The following PUDP variants were observed in gnomAD, a reference collection of about 807,000 sequenced individuals.
PUDP encodes the protein pseudouridine 5'-phosphatase, also known as pseudouridine-5'-phosphatase.
PUDP carries 8 observed loss-of-function variants against 9.4 expected under a neutral mutation model. The observed-to-expected ratio is 0.85, with a 90% CI of 0.50 to 1.53. The LOEUF is 1.53. Among genes scored for constraint, PUDP ranks in the 40% most tolerant of loss-of-function variants. The pLI is 0.00. For missense variants in PUDP, 188 were observed against 189.7 expected (o/e 0.99, Z 0.05); for synonymous variants, 99 against 80.7 (o/e 1.23, Z -1.22).
At chrX:6,802,515 G>A (rs979222841) in intron 3 of PUDP, among the ~76,000 whole-genome samples, 4 of 111,638 alleles carry the variant, frequency 3.6e-5, no homozygotes, top group South Asian at 7.6e-4. Context: ...AACATCTATC[G>A]TAGAGTCAAT....
chrX:6,986,955 G>A (rs188245382), intron 1 of PUDP, among the ~76,000 whole-genome samples: 1 of 112,060 alleles, frequency 8.9e-6, no homozygotes, highest in Non-Finnish European at 1.9e-5. Context: ...AATTAAAAAC[G>A]TTTGCATGCA....
At chrX:6,731,750 A>AAGGGAGGGAGGGAGGGAGGGAGGG (rs777733500) in intron 3 of PUDP, among the ~76,000 whole-genome samples, 13 of 78,712 alleles carry the variant, frequency 1.7e-4, no homozygotes, top group African/African-American at 6.8e-4. Flanking sequence ...GGAAGGAAGG[A>AAGGGAGGGAGGGAGGGAGGGAGGG]AGGGAGGGAG....
chrX:6,906,993 T>C (rs2146755387), intron 3 of PUDP, among the ~76,000 whole-genome samples: 1 of 111,379 alleles, frequency 9.0e-6, no homozygotes, highest in Non-Finnish European at 1.9e-5. Flanking sequence ...CTTTGAGTCT[T>C]AGGCACACTC....
At chrX:6,938,460 A>AT (rs1344345234) in intron 3 of PUDP, among the ~76,000 whole-genome samples, 1 of 73,990 alleles carries the variant, frequency 1.4e-5, no homozygotes, top group African/African-American at 5.1e-5. Context: ...AGGAAGGGGA[A>AT]TATCACACTC....
At chrX:6,952,818 A>G (rs2146783292) in intron 3 of PUDP, among the ~76,000 whole-genome samples, 1 of 111,922 alleles carries the variant, frequency 8.9e-6, no homozygotes, top group South Asian at 3.8e-4. Context: ...TTCACCAGAC[A>G]CAGACTCTGT....
At chrX:7,023,060 G>GA (rs1308105954) in intron 1 of PUDP, among the ~76,000 whole-genome samples, 1 of 111,211 alleles carries the variant, frequency 9.0e-6, no homozygotes, top group Non-Finnish European at 1.9e-5. Flanking sequence ...CAGCCAGACT[G>GA]AAAAAAACCT....
chrX:6,993,367 A>C (rs780494432), intron 1 of PUDP, among the ~76,000 whole-genome samples: 1 of 112,141 alleles, frequency 8.9e-6, no homozygotes, highest in South Asian at 3.8e-4. Context: ...TTACTTACAG[A>C]AAGATAACAA....
intron 3 of PUDP, among the ~76,000 whole-genome samples, chrX:7,069,252 C>T: frequency 9.0e-6 from 1 of 111,118 alleles, no homozygotes; most frequent in East Asian, 2.9e-4. Flanking sequence ...GATGAAATGC[C>T]CCCCGAGGCG....
chrX:7,044,279 TGATGA>T (rs1238806091), downstream of PUDP, among the ~76,000 whole-genome samples: 2 of 112,019 alleles, frequency 1.8e-5, no homozygotes, highest in Non-Finnish European at 3.8e-5. Context: ...AAAATACTCT[TGATGA>T]AACAGATACT....
At chrX:6,955,270 G>C (rs1484271906) in intron 3 of PUDP, among the ~76,000 whole-genome samples, 3 of 108,329 alleles carry the variant, frequency 2.8e-5, no homozygotes, top group Non-Finnish European at 3.8e-5. Context: ...GCCCAGGCTA[G>C]AGTGCAGTGG....
At chrX:7,100,111 AC>A (rs1249309528) in intron 2 of PUDP, among the ~76,000 whole-genome samples, 3 of 97,714 alleles carry the variant, frequency 3.1e-5, no homozygotes, top group Non-Finnish European at 2.0e-5. Flanking sequence ...AGGCAGACAC[AC>A]CCCTGCAGCA....
intron 3 of PUDP, among the ~76,000 whole-genome samples, chrX:6,831,824 C>T (rs753371927): frequency 1.8e-5 from 2 of 111,804 alleles, no homozygotes; most frequent in African/African-American, 6.5e-5. Flanking sequence ...GCAGAATCTG[C>T]TTTCTAATCT....
intron 2 of PUDP, among the ~76,000 whole-genome samples, chrX:7,094,074 GC>G (rs1188562126): frequency 9.0e-6 from 1 of 111,434 alleles, no homozygotes; most frequent in Non-Finnish European, 1.9e-5. Flanking sequence ...GCTGCAGTGA[GC>G]CATGACTGCA....
At chrX:6,900,953 T>C (rs1036110069) in intron 3 of PUDP, among the ~76,000 whole-genome samples, 3 of 110,134 alleles carry the variant, frequency 2.7e-5, no homozygotes, top group Non-Finnish European at 5.7e-5. Context: ...AATTTTTGTA[T>C]TTTTAGTAGA....
At chrX:6,955,075 C>T (rs1928607738) in intron 3 of PUDP, among the ~76,000 whole-genome samples, 1 of 112,234 alleles carries the variant, frequency 8.9e-6, no homozygotes, top group Admixed American at 9.4e-5. Flanking sequence ...ATCAGGCAGT[C>T]AATCCTACCA....
intron 3 of PUDP, among the ~76,000 whole-genome samples, chrX:6,846,409 C>CAAAAA (rs55712277): frequency 1.6e-5 from 1 of 63,430 alleles, no homozygotes; most frequent in Non-Finnish European, 3.0e-5. Flanking sequence ...GACTCCCTCT[C>CAAAAA]AAAAAAAAAA....
At chrX:6,768,107 T>A (rs1602611412) in intron 3 of PUDP, among the ~76,000 whole-genome samples, 1 of 111,803 alleles carries the variant, frequency 8.9e-6, no homozygotes, top group African/African-American at 3.3e-5. Context: ...TAATCCAATG[T>A]TGGAATTTTA....
chrX:6,983,222 C>T (rs1444890510), intron 1 of PUDP, among the ~76,000 whole-genome samples: 1 of 111,349 alleles, frequency 9.0e-6, no homozygotes, highest in Non-Finnish European at 1.9e-5. Context: ...TATTATTACT[C>T]GAATCAGTGT....
At chrX:6,823,621 T>C (rs1926380074) in intron 3 of PUDP, among the ~76,000 whole-genome samples, 1 of 112,317 alleles carries the variant, frequency 8.9e-6, no homozygotes, top group Admixed American at 9.4e-5. Flanking sequence ...GGCAAGCCCA[T>C]AGAGTAAAGC....
Sources: gnomAD v4.1 joint callset for allele counts (sites outside exome capture counted in the v4.1 genomes callset) on GRCh38, gnomAD v4.1.1 for gene constraint, MANE v1.5 for transcripts, NCBI Gene and HGNC (gene_info 2026-07-23, HGNC 2026-07-21) for gene names.